Variants in KCNH5 observed in about 807,000 individuals in gnomAD.
The protein encoded by KCNH5 is potassium voltage-gated channel subfamily H member 5.
In KCNH5, 46 loss-of-function variants were observed where a neutral mutation model predicts 96.1. That is an observed-to-expected ratio of 0.48 (90% CI 0.38 to 0.61). The LOEUF (loss-of-function observed/expected upper bound fraction) is 0.61, where lower values mean the gene tolerates loss of function less well. Ranked by LOEUF, KCNH5 falls within the 20% of genes least tolerant of loss-of-function variation. The pLI is 0.00. For missense variants in KCNH5, 907 were observed against 1,225.8 expected, an observed-to-expected ratio of 0.74 and a Z score of 3.88; for synonymous variants, 439 against 449.8, an observed-to-expected ratio of 0.98 and a Z score of 0.30.
intron 7 of KCNH5, among the ~76,000 whole-genome samples, chr14:62,900,888 C>T (rs142647172): frequency 2.4e-4 from 36 of 152,146 alleles, no homozygotes; most frequent in Non-Finnish European, 4.6e-4. Flanking sequence ...AGAAAGAACG[C>T]TTACGAATCA....
intron 10 of KCNH5, among the ~76,000 whole-genome samples, chr14:62,715,995 T>C (rs1884676961): frequency 6.6e-6 from 1 of 152,174 alleles, no homozygotes; most frequent in South Asian, 2.1e-4. Flanking sequence ...ACTAATGAAA[T>C]GTTCTAAGCG....
intron 7 of KCNH5, among the ~76,000 whole-genome samples, chr14:62,873,316 T>C (rs1342587296): frequency 6.6e-6 from 1 of 152,174 alleles, no homozygotes; most frequent in African/African-American, 2.4e-5. Context: ...AATTTAAAAA[T>C]AGAGGATACA....
At chr14:63,041,097 C>G (rs916343939) in intron 1 of KCNH5, among the ~76,000 whole-genome samples, 2 of 152,024 alleles carry the variant, frequency 1.3e-5, no homozygotes, top group Non-Finnish European at 2.9e-5. Flanking sequence ...AGCAACCTAG[C>G]TTACTGTCAC....
chr14:62,894,553 A>G (rs1888774077), intron 7 of KCNH5, among the ~76,000 whole-genome samples: 1 of 152,192 alleles, frequency 6.6e-6, no homozygotes, highest in African/African-American at 2.4e-5. Flanking sequence ...GAAAATTACT[A>G]TATCTTTACT....
chr14:62,843,619 C>T (rs1887630878), intron 8 of KCNH5, among the ~76,000 whole-genome samples: 1 of 151,900 alleles, frequency 6.6e-6, no homozygotes, highest in Admixed American at 6.6e-5. Context: ...ACCATGTTGG[C>T]CAGGATGGTC....
intron 7 of KCNH5, among the ~76,000 whole-genome samples, chr14:62,939,757 T>C (rs2140122321): frequency 6.6e-6 from 1 of 152,184 alleles, no homozygotes; most frequent in East Asian, 1.9e-4. Flanking sequence ...CTGACCAACG[T>C]GGTGAAACCC....
At chr14:62,982,914 C>T (rs1234342624) in intron 5 of KCNH5, among the ~76,000 whole-genome samples, 1 of 152,080 alleles carries the variant, frequency 6.6e-6, no homozygotes, top group African/African-American at 2.4e-5. Context: ...AATCATCCTA[C>T]CAGGAGGTAA....
intron 9 of KCNH5, among the ~76,000 whole-genome samples, chr14:62,794,575 C>T (rs942123359): frequency 4.0e-5 from 6 of 151,884 alleles, no homozygotes; most frequent in African/African-American, 7.2e-5. Flanking sequence ...GGTTATTAAA[C>T]GACTTGGTAT....
intron 9 of KCNH5, among the ~76,000 whole-genome samples, chr14:62,799,691 T>TTATATA (rs71410693): frequency 0.014 from 788 of 57,922 alleles, 15 homozygotes; most frequent in East Asian, 0.041. Flanking sequence ...GTATATACCT[T>TTATATA]TATATATATA....
At chr14:63,010,803 G>A (rs1363331544) in intron 2 of KCNH5, among the ~76,000 whole-genome samples, 1 of 152,178 alleles carries the variant, frequency 6.6e-6, no homozygotes, top group Non-Finnish European at 1.5e-5. Context: ...GCGTAAGAAT[G>A]GCTATAACGA....
At chr14:62,948,216 C>A (rs1889930914) in intron 7 of KCNH5, among the ~76,000 whole-genome samples, 1 of 152,050 alleles carries the variant, frequency 6.6e-6, no homozygotes. Flanking sequence ...TTTTCTTAAT[C>A]CAGTCTATCA....
intron 1 of KCNH5, among the ~76,000 whole-genome samples, chr14:63,033,312 C>T (rs1230125413): frequency 6.6e-6 from 1 of 152,234 alleles, no homozygotes; most frequent in Non-Finnish European, 1.5e-5. Flanking sequence ...GGCAATCTAG[C>T]TGCGCTAGTG....
chr14:62,880,978 A>G (rs1888479932), intron 7 of KCNH5, among the ~76,000 whole-genome samples: 1 of 152,210 alleles, frequency 6.6e-6, no homozygotes, highest in South Asian at 2.1e-4. Context: ...ATTGACACAG[A>G]GGGAGAAAAG....
At chr14:62,863,480 G>C (rs1378085799) in intron 7 of KCNH5, among the ~76,000 whole-genome samples, 1 of 152,040 alleles carries the variant, frequency 6.6e-6, no homozygotes, top group Non-Finnish European at 1.5e-5. Flanking sequence ...TAAAACCTGG[G>C]AACATCAATT....
chr14:62,871,801 G>A (rs1300298671), intron 7 of KCNH5, among the ~76,000 whole-genome samples: 1 of 152,132 alleles, frequency 6.6e-6, no homozygotes. Context: ...CAGTGTGGTA[G>A]GCAAGGATTG....
At chr14:62,911,445 A>G (rs1468216542) in intron 7 of KCNH5, among the ~76,000 whole-genome samples, 1 of 152,046 alleles carries the variant, frequency 6.6e-6, no homozygotes, top group African/African-American at 2.4e-5. Context: ...TCAAAAGCCA[A>G]GTAGAATGTT....
In KCNH5 at chr14:63,045,372, G is replaced by A. The variant is rs1891905820; in HGVS notation, c.-186C>T. 2 of 622,000 alleles carry A rather than the reference G, an allele frequency of 3.2e-6. No individual in the cohort carries two copies. The highest frequency in any genetic ancestry group is 2.7e-5 in the East Asian group (1 of 36,420). 38.5% of individuals were successfully genotyped at this position (622,000 alleles called of 1,614,324 possible). Reference sequence around the variant, plus strand: ...GACCCGGATGAGCAGCTCTGGGGAGGAGGACCAGGCAGTTCATGGTAGTAG... The same window carrying A: ...GACCCGGATGAGCAGCTCTGGGGAGAAGGACCAGGCAGTTCATGGTAGTAG... On this transcript the variant is annotated 5_prime_UTR_variant, in exon 1 of 11. Coordinates refer to ENST00000322893, the MANE Select transcript of KCNH5 (RefSeq NM_139318.5).
intron 6 of KCNH5, among the ~76,000 whole-genome samples, chr14:62,962,633 C>T (rs1274561818): frequency 6.6e-6 from 1 of 152,082 alleles, no homozygotes; most frequent in African/African-American, 2.4e-5. Context: ...GAGTCACCTA[C>T]AGAGGAAGAA....
In KCNH5 at chr14:62,938,914, C is replaced by A. The variant is rs377039200; in HGVS notation, c.1369+11219G>T. ...ATGTCTATGTTATGCATCTAATAATCGAACAAGTATATTTTGTTGAATTTG... is the reference window on the plus strand; with the variant it reads ...ATGTCTATGTTATGCATCTAATAATAGAACAAGTATATTTTGTTGAATTTG... On this transcript the variant is annotated intron_variant, in intron 7 of 10. Coordinates refer to ENST00000322893, the MANE Select transcript of KCNH5 (RefSeq NM_139318.5). 3.3e-5 allele frequency among the ~76,000 whole-genome samples: 5 copies of A among 152,272 alleles called. No individual in the cohort carries two copies. In the East Asian group the frequency reaches 5.8e-4, roughly 18 times the overall value.
Sources: gnomAD v4.1 joint callset for allele counts (sites outside exome capture counted in the v4.1 genomes callset) on GRCh38, gnomAD v4.1.1 for gene constraint, MANE v1.5 for transcripts, NCBI Gene and HGNC (gene_info 2026-07-23, HGNC 2026-07-21) for gene names.